CHFR: variants seen among roughly 807,000 people sequenced by gnomAD.
CHFR encodes checkpoint with forkhead and ring finger domains, also known as E3 ubiquitin-protein ligase CHFR.
In CHFR, 57 loss-of-function variants were observed where a neutral mutation model predicts 87.6. The observed-to-expected ratio is 0.65, with a 90% confidence interval of 0.53 to 0.81. CHFR has a LOEUF of 0.81. Among genes scored for constraint, CHFR ranks in the 30% least tolerant of loss-of-function variants. CHFR has a pLI of 0.00. For synonymous variants in CHFR, 381 were observed against 359.2 expected, an observed-to-expected ratio of 1.06 and a Z score of -0.69; for missense variants, 797 against 865.8, an observed-to-expected ratio of 0.92 and a Z score of 1.00.
chr12:132,870,338 C>T (rs1443621301), intron 5 of CHFR, among the ~76,000 whole-genome samples: 2 of 140,880 alleles, frequency 1.4e-5, no homozygotes, highest in African/African-American at 5.5e-5. Flanking sequence ...GGCGACAAAG[C>T]GCGACTCCAT....
chr12:132,861,372 G>A (rs1268510433), intron 7 of CHFR, 95 bp downstream of exon 7: 2 of 1,301,234 alleles, frequency 1.5e-6, no homozygotes, highest in Non-Finnish European at 2.2e-6. Flanking sequence ...TGCCCCTGCA[G>A]GAAGCAATGC....
chr12:132,846,512 C>A (rs181349929), intron 15 of CHFR, among the ~76,000 whole-genome samples: 1 of 151,592 alleles, frequency 6.6e-6, no homozygotes, highest in African/African-American at 2.4e-5. Flanking sequence ...CCTCATGATC[C>A]GCCCGCCTCA....
intron 7 of CHFR, among the ~76,000 whole-genome samples, chr12:132,859,881 A>C (rs962290451): frequency 1.3e-5 from 2 of 152,060 alleles, no homozygotes; most frequent in Non-Finnish European, 2.9e-5. Context: ...ATCTCTAAAA[A>C]AATGGGAAAA....
chr12:132,873,648 G>A lies in CHFR; in HGVS notation c.234-1254C>T, dbSNP rs113262120. ...GCTCCACAGGGCTGGCTACGGGGCT[G>A]GAGTGCACACGGACTTGGGTGCATG... is the stretch of plus-strand genomic sequence containing the variant. On this transcript the variant is annotated intron_variant, in intron 3 of 17. Transcript: ENST00000450056. 4.5e-4 allele frequency among the ~76,000 whole-genome samples: 49 copies of A among 109,594 alleles called. 1 individual carries two copies. The highest frequency in any genetic ancestry group is 3.2e-3 in the South Asian group (9 of 2,850). The allele number at this position is 109,594 out of a possible 152,430, so 71.9% of individuals were successfully genotyped here. A position where few individuals can be genotyped will look rare whatever the true frequency, so the allele number is the denominator to read the frequency against.
rs1468716986 is a variant in CHFR, at chr12:132,840,472, GAGA to G, written c.*1079_*1081del. ...GACAACAGTTGAAAACTGTATTCCT[GAGA>G]AGAAGCAAAAAAGTTATCAGTTTAC... is the stretch of plus-strand genomic sequence containing the variant. On this transcript the variant is annotated 3_prime_UTR_variant, in exon 18 of 18. Transcript: ENST00000450056. 5 of 152,662 alleles carry G rather than the reference GAGA, an allele frequency of 3.3e-5. No homozygotes were observed. The highest frequency in any genetic ancestry group is 4.1e-4 in the South Asian group (2 of 4,838). 9.5% of individuals were successfully genotyped at this position (152,662 alleles called of 1,614,324 possible).
At chr12:132,842,557 G>A (rs967816504) in intron 17 of CHFR, among the ~76,000 whole-genome samples, 2 of 152,170 alleles carry the variant, frequency 1.3e-5, no homozygotes, top group Admixed American at 6.5e-5. Flanking sequence ...CCTGACCTAC[G>A]CCTCCCAGGG....
intron 15 of CHFR, among the ~76,000 whole-genome samples, chr12:132,844,565 TGA>T (rs1950776308): frequency 6.6e-6 from 1 of 151,330 alleles, no homozygotes; most frequent in African/African-American, 2.4e-5. Context: ...ATTACAGGCG[TGA>T]GCCACTGCGC....
rs1242787279 is a variant in CHFR at position 132,841,553 on chromosome 12, C to T, written c.*1G>A. ...GAAAGCTGCTCAGGGCCTCTGGATGCTTAGTTTTTGAACCTTGTCTGTTCA... is the reference window on the plus strand; with the variant it reads ...GAAAGCTGCTCAGGGCCTCTGGATGTTTAGTTTTTGAACCTTGTCTGTTCA... On this transcript the variant is annotated 3_prime_UTR_variant, in exon 18 of 18. Coordinates refer to ENST00000450056, the MANE Select transcript of CHFR (RefSeq NM_001161346.2). 5 of 1,613,396 alleles carry T rather than the reference C, an allele frequency of 3.1e-6. No homozygotes were observed. In the East Asian group the frequency reaches 6.7e-5, roughly 22 times the overall value.
chr12:132,863,147 C>T (rs868518690), intron 6 of CHFR, among the ~76,000 whole-genome samples: 3 of 149,960 alleles, frequency 2.0e-5, no homozygotes, highest in East Asian at 4.1e-4. Context: ...CCACCCACCT[C>T]GGCCTCCCAA....
chr12:132,848,064 C>T (rs371352835), intron 14 of CHFR, 21 bp downstream of exon 14: 5 of 1,613,948 alleles, frequency 3.1e-6, no homozygotes, highest in South Asian at 1.1e-5. Context: ...CCCGGCTCCC[C>T]AGCCCGCAGC....
At chr12:132,866,115 C>G (rs1473324575) in intron 6 of CHFR, 4 of 152,198 alleles carry the variant, frequency 2.6e-5, no homozygotes, top group Non-Finnish European at 1.5e-5. Context: ...AGAAACTTGT[C>G]TGTCATGGGT....
chr12:132,858,659 C>T (rs1951138200), intron 8 of CHFR, among the ~76,000 whole-genome samples: 1 of 122,062 alleles, frequency 8.2e-6, no homozygotes, highest in Non-Finnish European at 1.6e-5. Flanking sequence ...ACCCGGGAGG[C>T]TGAGGTTGTA....
Position 132,857,474 on chromosome 12 carries a change from G to T in CHFR, c.997C>A (p.Pro333Thr). 1 of 1,614,200 alleles carries T rather than the reference G, an allele frequency of 6.2e-7. No individual in the cohort carries two copies. Among genetic ancestry groups the T allele is most frequent in the Non-Finnish European group, 8.5e-7 (1 of 1,180,018 alleles). The change falls in exon 9 of 18, where the codon CCC becomes ACC. Residue 333 changes from proline (P) to threonine (T), a missense_variant. By Grantham distance (38) the Pro-to-Thr change is conservative. Transcript: ENST00000450056. ...RSSLCPTCRCPVERICKNHIL... is the reference protein window; with the variant it reads ...RSSLCPTCRCTVERICKNHIL... ...TGGTTTTTACAGATCCGCTCCACGG[G>T]ACAGCGGCAGGTAGGACACAGGGAC... is the stretch of plus-strand genomic sequence containing the variant.
intron 2 of CHFR, among the ~76,000 whole-genome samples, chr12:132,883,993 G>A (rs1398400906): frequency 1.3e-5 from 2 of 152,128 alleles, no homozygotes; most frequent in African/African-American, 2.4e-5. Flanking sequence ...GGTGGCACAC[G>A]CCTGAAATCT....
Position 132,835,592 on chromosome 12 carries a change from A to G in CHFR, c.*5962T>C. On this transcript the variant is annotated 3_prime_UTR_variant, in exon 18 of 18. Coordinates refer to ENST00000450056, the MANE Select transcript of CHFR (RefSeq NM_001161346.2). ...GAAGAGAAGATGACGTGAGAACTCA[A>G]GGAGATGCTGCCCACGAGCCAAGGA... is the stretch of plus-strand genomic sequence containing the variant. 1 of 179,144 alleles carries G rather than the reference A, an allele frequency of 5.6e-6. No individual in the cohort carries two copies. Among genetic ancestry groups the G allele is most frequent in the Non-Finnish European group, 1.2e-5 (1 of 83,612 alleles). The allele number at this position is 179,144 out of a possible 1,614,324, so 11.1% of individuals were successfully genotyped here. A position where few individuals can be genotyped will look rare whatever the true frequency, so the allele number is the denominator to read the frequency against.
chr12:132,850,964 CATATATATATATATATATAT>C (rs55826641), intron 12 of CHFR, among the ~76,000 whole-genome samples: 5 of 135,682 alleles, frequency 3.7e-5, no homozygotes, highest in Admixed American at 7.2e-5. Flanking sequence ...TATGTGTGTG[CATATATATATATATATATAT>C]ATATATATAT....
rs891550666 is a variant in CHFR, at chr12:132,856,340, G to C, written c.1229+128C>G. ...CAGAAAACAAGCTCAAGCCATTTAA[G>C]AGCTTGGCTGCTCAGGGCAGAACTA... is the stretch of plus-strand genomic sequence containing the variant. On this transcript the variant is annotated intron_variant, in intron 10 of 17. Coordinates refer to ENST00000450056, the MANE Select transcript of CHFR (RefSeq NM_001161346.2). The C allele has an allele frequency of 5.1e-6, 5 of 973,448 alleles. No homozygotes were observed. In the African/African-American group the frequency reaches 8.1e-5, roughly 16 times the overall value. The allele number at this position is 973,448 out of a possible 1,614,324, so 60.3% of individuals were successfully genotyped here. A position where few individuals can be genotyped will look rare whatever the true frequency, so the allele number is the denominator to read the frequency against.
intron 2 of CHFR, among the ~76,000 whole-genome samples, chr12:132,882,603 C>T (rs149735645): frequency 2.0e-5 from 3 of 151,868 alleles, no homozygotes; most frequent in Non-Finnish European, 2.9e-5. Context: ...TTCCATTGAG[C>T]GTTAACTGCC....
At chr12:132,873,581 ATG>A (rs1951544494) in intron 3 of CHFR, among the ~76,000 whole-genome samples, 1 of 149,604 alleles carries the variant, frequency 6.7e-6, no homozygotes, top group Admixed American at 6.7e-5. Flanking sequence ...ACTTGGGTGC[ATG>A]CAGGGGCGCT....
Sources: allele counts gnomAD v4.1 joint callset (sites outside exome capture counted in the v4.1 genomes callset), GRCh38; gene constraint gnomAD v4.1.1; transcripts MANE v1.5; gene names NCBI Gene and HGNC (gene_info 2026-07-23, HGNC 2026-07-21).